B3GLCT: variants seen among roughly 807,000 people sequenced by gnomAD.
B3GLCT encodes beta-1,3-glucosyltransferase.
B3GLCT carries 65 observed loss-of-function variants against 63.4 expected under a neutral mutation model. That is an observed-to-expected ratio of 1.03 (90% CI 0.84 to 1.26). The LOEUF is 1.26. Ranked by LOEUF, B3GLCT falls within the 50% of genes most tolerant of loss-of-function variation. The pLI is 0.00. For synonymous variants in B3GLCT, 233 were observed against 219.2 expected (o/e 1.06, Z -0.55); for missense variants, 577 against 604.8 (o/e 0.95, Z 0.48).
intron 1 of B3GLCT, among the ~76,000 whole-genome samples, chr13:31,203,301 C>T (rs1868776022): frequency 6.6e-6 from 1 of 152,190 alleles, no homozygotes; most frequent in African/African-American, 2.4e-5. Context: ...AGATTTTAAT[C>T]TTCTGGATGG....
intron 3 of B3GLCT, among the ~76,000 whole-genome samples, chr13:31,226,012 A>G (rs1870084030): frequency 6.6e-6 from 1 of 152,200 alleles, no homozygotes; most frequent in Non-Finnish European, 1.5e-5. Context: ...TCGTTCACTC[A>G]GGGAGACTGC....
chr13:31,278,921 C>A (rs774766359), intron 10 of B3GLCT, among the ~76,000 whole-genome samples: 3 of 152,186 alleles, frequency 2.0e-5, no homozygotes, highest in Non-Finnish European at 2.9e-5. Flanking sequence ...GAATGATACA[C>A]AACTGGCTCA....
intron 4 of B3GLCT, among the ~76,000 whole-genome samples, chr13:31,234,124 T>C (rs1233716855): frequency 1.3e-5 from 2 of 151,986 alleles, no homozygotes; most frequent in Non-Finnish European, 2.9e-5. Context: ...TTCATGCCAT[T>C]CTCCTGCCTC....
At chr13:31,318,386 G>T (rs999271098) in intron 13 of B3GLCT, among the ~76,000 whole-genome samples, 13 of 152,168 alleles carry the variant, frequency 8.5e-5, no homozygotes, top group Non-Finnish European at 1.8e-4. Context: ...CTTCTGGAGG[G>T]CTAGGACCTT....
chr13:31,229,785 C>G (rs1344335959), intron 4 of B3GLCT, among the ~76,000 whole-genome samples: 1 of 149,450 alleles, frequency 6.7e-6, no homozygotes, highest in East Asian at 1.9e-4. Context: ...TGGTTAATTC[C>G]TAATGCACAA....
chr13:31,255,440 G>A lies in B3GLCT; in HGVS notation c.460-5506G>A, dbSNP rs148907150. On this transcript the variant is annotated intron_variant, in intron 6 of 14. Coordinates refer to ENST00000343307, the MANE Select transcript of B3GLCT (RefSeq NM_194318.4). ...TACCATTGACTTTCTTCACAGAATTGGAAAAAACTACTTTAAATTTCATGT... is the reference window on the plus strand; with the variant it reads ...TACCATTGACTTTCTTCACAGAATTAGAAAAAACTACTTTAAATTTCATGT... Among the ~76,000 whole-genome samples the A allele has an allele frequency of 3.8e-3, 572 of 152,062 alleles. 5 individuals carry two copies. Among genetic ancestry groups the A allele is most frequent in the Middle Eastern group, 3.4e-3 (1 of 294 alleles).
intron 6 of B3GLCT, chr13:31,260,329 T>C (rs755500724): frequency 6.6e-6 from 1 of 152,322 alleles, no homozygotes; most frequent in Non-Finnish European, 1.5e-5. Context: ...CTCCTTGATA[T>C]TATTTCATCT....
At chr13:31,201,902 A>G (rs1282459728) in intron 1 of B3GLCT, among the ~76,000 whole-genome samples, 1 of 152,228 alleles carries the variant, frequency 6.6e-6, no homozygotes, top group Non-Finnish European at 1.5e-5. Flanking sequence ...AAAATGCATT[A>G]AAAGGTCCCT....
chr13:31,247,804 T>C (rs374438614), intron 5 of B3GLCT, 51 bp from the exon 6 acceptor site: 82 of 935,198 alleles, frequency 8.8e-5, no homozygotes, highest in Non-Finnish European at 1.3e-4. Flanking sequence ...TAAACCTTAT[T>C]ATTAACTTAT....
chr13:31,312,982 A>G (rs994571847), intron 12 of B3GLCT: 1 of 152,258 alleles, frequency 6.6e-6, no homozygotes, highest in African/African-American at 2.4e-5. Flanking sequence ...GAAACCATCA[A>G]CATTGTCAGA....
rs1870493739 is a variant in B3GLCT, at chr13:31,233,701, G to A, written c.270+4407G>A. Among the ~76,000 whole-genome samples the A allele has an allele frequency of 2.0e-5, 3 of 152,316 alleles. No individual in the cohort carries two copies. In the South Asian group the frequency reaches 6.2e-4, roughly 32 times the overall value. Reference sequence around the variant, plus strand: ...CATGTGGGTACACTTGGGCTGGGAAGTGTAATGTCTAGTTGGGTGGCCCTG... The same window carrying A: ...CATGTGGGTACACTTGGGCTGGGAAATGTAATGTCTAGTTGGGTGGCCCTG... On this transcript the variant is annotated intron_variant, in intron 4 of 14. Transcript: ENST00000343307.
chr13:31,313,282 T>G (rs1255866293), intron 12 of B3GLCT, among the ~76,000 whole-genome samples: 1 of 152,222 alleles, frequency 6.6e-6, no homozygotes, highest in Non-Finnish European at 1.5e-5. Context: ...GGTGAATAAT[T>G]TAGAGACAGG....
chr13:31,256,245 C>T (rs1042485815), intron 6 of B3GLCT, among the ~76,000 whole-genome samples: 1 of 152,128 alleles, frequency 6.6e-6, no homozygotes, highest in Non-Finnish European at 1.5e-5. Flanking sequence ...CCATCTCATG[C>T]CAGTTAGAAT....
At chr13:31,225,376 T>C (rs904482835) in intron 3 of B3GLCT, among the ~76,000 whole-genome samples, 8 of 152,190 alleles carry the variant, frequency 5.3e-5, no homozygotes, top group African/African-American at 1.9e-4. Flanking sequence ...GCTACCAAGA[T>C]AAGCTCTGGG....
intron 1 of B3GLCT, among the ~76,000 whole-genome samples, chr13:31,210,252 G>A (rs1213998207): frequency 6.6e-6 from 1 of 152,116 alleles, no homozygotes; most frequent in Non-Finnish European, 1.5e-5. Context: ...AATTCATGTT[G>A]AAAATGGAAA....
chr13:31,255,626 C>T (rs764293667), intron 6 of B3GLCT, among the ~76,000 whole-genome samples: 1 of 152,110 alleles, frequency 6.6e-6, no homozygotes, highest in African/African-American at 2.4e-5. Flanking sequence ...TGGAACAGAA[C>T]AGAGGCTTCA....
At chr13:31,297,126 A>G (rs1031878703) in intron 12 of B3GLCT, among the ~76,000 whole-genome samples, 5 of 152,130 alleles carry the variant, frequency 3.3e-5, no homozygotes, top group Non-Finnish European at 5.9e-5. Flanking sequence ...TTAAGGCTGA[A>G]TAACATTCCT....
Position 31,260,990 on chromosome 13 carries a change from A to C in B3GLCT, c.504A>C (p.Ile168=). 1 of 1,614,032 alleles carries C rather than the reference A, an allele frequency of 6.2e-7. No individual in the cohort carries two copies. ...CATTACATGATGAAGAAGCTACAAT[A>C]ATTCACCATTATGCCTTTTCCGAGA... ...GKALHDEEAT[I]IHHYAFSENP... is the part of the protein sequence containing the mutation. Residue 168 remains isoleucine, a synonymous_variant, in exon 7 of 15, where the codon ATA becomes ATC. Transcript: ENST00000343307.
intron 6 of B3GLCT, among the ~76,000 whole-genome samples, chr13:31,254,806 C>G (rs1355627817): frequency 6.6e-6 from 1 of 152,152 alleles, no homozygotes; most frequent in Non-Finnish European, 1.5e-5. Context: ...AATCCCAGCA[C>G]TTTGGGAGGC....
Sources: allele counts gnomAD v4.1 joint callset (sites outside exome capture counted in the v4.1 genomes callset), GRCh38; gene constraint gnomAD v4.1.1; transcripts MANE v1.5; gene names NCBI Gene and HGNC (gene_info 2026-07-23, HGNC 2026-07-21).